The following KRTAP10-10 variants were observed in gnomAD, a reference collection of about 807,000 sequenced individuals.
KRTAP10-10 encodes keratin-associated protein 10-10.
For missense variants in KRTAP10-10, 324 were observed against 319.9 expected (o/e 1.01, Z -0.10); for synonymous variants, 139 against 137.6 (o/e 1.01, Z -0.07).
Position 44,637,584 on chromosome 21 carries a change from C to T in KRTAP10-10, c.167C>T (p.Ala56Val), listed in dbSNP as rs373986808. ...SCVSSPCCQT[A>V]CEPSACQSGY... The stretch of plus-strand genomic sequence containing the variant: ...GTGTCCAGCCCCTGCTGCCAGACGG[C>T]CTGTGAGCCCAGCGCCTGCCAATCA... The change falls in exon 1 of 1, where the codon GCC (alanine) becomes GTC (valine). Residue 56 changes from alanine to valine, a missense_variant. Transcript: ENST00000380095. 28 of 1,613,738 alleles carry T rather than the reference C, an allele frequency of 1.7e-5. No individual in the cohort carries two copies. In the African/African-American group the frequency reaches 3.6e-4, roughly 21 times the overall value.
rs782304975 is a variant in KRTAP10-10, at chr21:44,637,506, G to A, written c.89G>A (p.Cys30Tyr). 14 of 1,612,992 alleles carry A rather than the reference G, an allele frequency of 8.7e-6. No individual in the cohort carries two copies. Among genetic ancestry groups the A allele is most frequent in the East Asian group, 4.5e-5 (2 of 44,870 alleles). The stretch of plus-strand genomic sequence containing the variant: ...TGCCCAGAGAGCTGCTGCGAGCCCT[G>A]CTGCTGTGCCCCAGCCCCCAGCTTG... ...VDCPESCCEPCCCAPAPSLTL... is the reference protein window; with the variant it reads ...VDCPESCCEPYCCAPAPSLTL... Residue 30 changes from cysteine (C) to tyrosine (Y), a missense_variant, in exon 1 of 1, where the codon TGC becomes TAC. Coordinates refer to ENST00000380095, the MANE Select transcript of KRTAP10-10 (RefSeq NM_181688.3).
chr21:44,637,405 T>TC lies in KRTAP10-10; in HGVS notation c.-9dup. Reference sequence around the variant, plus strand: ...CACACACCTCCCCCAGCTCACCGCCTCCCCACTCCAGCATGGCCGCCTCCA... The same window carrying TC: ...CACACACCTCCCCCAGCTCACCGCCTCCCCCACTCCAGCATGGCCGCCTCCA... On this transcript the variant is annotated 5_prime_UTR_variant, in exon 1 of 1. Coordinates refer to ENST00000380095, the MANE Select transcript of KRTAP10-10 (RefSeq NM_181688.3). The TC allele has an allele frequency of 6.3e-7, 1 of 1,594,654 alleles. No individual in the cohort carries two copies.
In KRTAP10-10 at chr21:44,638,033, G is replaced by C; in HGVS notation, c.616G>C (p.Val206Leu). The change falls in exon 1 of 1, where the codon GTC becomes CTC. Residue 206 changes from valine to leucine, a missense_variant. Physicochemically the swap from Val to Leu is conservative, Grantham distance 32 (BLOSUM62 1). Transcript: ENST00000380095. Reference sequence around the variant, plus strand: ...GTGCAAGTCCACCTGCTGCGTGCCCGTCCCCTCCTGCGGTGCCTCTGCCTC... The same window carrying C: ...GTGCAAGTCCACCTGCTGCGTGCCCCTCCCCTCCTGCGGTGCCTCTGCCTC... ...PVCKSTCCVP[V>L]PSCGASASSC... The C allele has an allele frequency of 6.2e-7, 1 of 1,613,166 alleles. No individual in the cohort carries two copies. Among genetic ancestry groups the C allele is most frequent in the Non-Finnish European group, 8.5e-7 (1 of 1,179,536 alleles).
chr21:44,637,718 G>T lies in KRTAP10-10; in HGVS notation c.301G>T (p.Val101Leu). Residue 101 changes from valine (V) to leucine (L), a missense_variant, in exon 1 of 1, where the codon GTG becomes TTG. Coordinates refer to ENST00000380095, the MANE Select transcript of KRTAP10-10 (RefSeq NM_181688.3). ...GGCCTGCTGTGTGCCTGTCTGCTGT[G>T]TGCCCGTCTGCTGCGTGCCCGTCTG... ...QQACCVPVCC[V>L]PVCCVPVCNK... 2 of 1,236,418 alleles carry T rather than the reference G, an allele frequency of 1.6e-6. No homozygotes were observed. Among genetic ancestry groups the T allele is most frequent in the South Asian group, 1.6e-5 (1 of 61,812 alleles). The allele number at this position is 1,236,418 out of a possible 1,614,324, so 76.6% of individuals were successfully genotyped here.
At position 44,638,320 on chromosome 21, in the gene KRTAP10-10, C is replaced by A; in HGVS notation, c.*147C>A. 1.7e-6 allele frequency: 1 copy of A among 577,844 alleles called. No homozygotes were observed. The highest frequency in any genetic ancestry group is 2.6e-5 in the South Asian group (1 of 38,104). The allele number at this position is 577,844 out of a possible 1,614,324, so 35.8% of individuals were successfully genotyped here. ...GACCAGGATGCTCCCCCAGTCCTTC[C>A]CAGATGATGGCTGCCTGTGGGACCC... On this transcript the variant is annotated 3_prime_UTR_variant, in exon 1 of 1. Coordinates refer to ENST00000380095, the MANE Select transcript of KRTAP10-10 (RefSeq NM_181688.3).
chr21:44,637,986 T>C lies in KRTAP10-10; in HGVS notation c.569T>C (p.Val190Ala). ...TASCCRPSSS[V>A]SLLCHPVCKS... Reference sequence around the variant, plus strand: ...TCCTGCTGCAGACCCTCCTCCTCCGTGTCCCTCCTCTGCCACCCTGTGTGC... The same window carrying C: ...TCCTGCTGCAGACCCTCCTCCTCCGCGTCCCTCCTCTGCCACCCTGTGTGC... Residue 190 changes from valine to alanine, a missense_variant, in exon 1 of 1, where the codon GTG (valine) becomes GCG (alanine). Physicochemically the swap from Val to Ala is moderately conservative, Grantham distance 64 (BLOSUM62 0). Transcript: ENST00000380095. The C allele has an allele frequency of 1.2e-6, 2 of 1,613,852 alleles. No individual in the cohort carries two copies. Among genetic ancestry groups the C allele is most frequent in the Non-Finnish European group, 1.7e-6 (2 of 1,179,968 alleles).
chr21:44,637,581 C>T lies in KRTAP10-10; in HGVS notation c.164C>T (p.Thr55Met), dbSNP rs376512849. Reference protein sequence around the residue: ...VSCVSSPCCQTACEPSACQSG... With the variant: ...VSCVSSPCCQMACEPSACQSG... Reference sequence around the variant, plus strand: ...TGTGTGTCCAGCCCCTGCTGCCAGACGGCCTGTGAGCCCAGCGCCTGCCAA... The same window carrying T: ...TGTGTGTCCAGCCCCTGCTGCCAGATGGCCTGTGAGCCCAGCGCCTGCCAA... Residue 55 changes from threonine (T) to methionine (M), a missense_variant, in exon 1 of 1, where the codon ACG (threonine) becomes ATG (methionine). Transcript: ENST00000380095. 187 of 1,613,862 alleles carry T rather than the reference C, an allele frequency of 1.2e-4. No individual in the cohort carries two copies. The highest frequency in any genetic ancestry group is 5.1e-4 in the Middle Eastern group (3 of 5,872).
chr21:44,638,337 G>GAGA lies in KRTAP10-10; in HGVS notation c.*164_*165insAGA. On this transcript the variant is annotated 3_prime_UTR_variant, in exon 1 of 1. Coordinates refer to ENST00000380095, the MANE Select transcript of KRTAP10-10 (RefSeq NM_181688.3). Reference sequence around the variant, plus strand: ...AGTCCTTCCCAGATGATGGCTGCCTGTGGGACCCCAGCTACTCCCCCAGAC... The same window carrying GAGA: ...AGTCCTTCCCAGATGATGGCTGCCTGAGATGGGACCCCAGCTACTCCCCCAGAC... 1 of 411,614 alleles carries GAGA rather than the reference G, an allele frequency of 2.4e-6. No individual in the cohort carries two copies. The highest frequency in any genetic ancestry group is 4.2e-5 in the South Asian group (1 of 23,986). 25.5% of individuals were successfully genotyped at this position (411,614 alleles called of 1,614,324 possible). A position where few individuals can be genotyped will look rare whatever the true frequency, so the allele number is the denominator to read the frequency against.
chr21:44,637,630 A>G lies in KRTAP10-10; in HGVS notation c.213A>G (p.Thr71=), dbSNP rs782139344. 2.7e-5 allele frequency: 44 copies of G among 1,611,964 alleles called. No homozygotes were observed. Among genetic ancestry groups the G allele is most frequent in the Middle Eastern group, 3.3e-4 (2 of 6,042 alleles). The change falls in exon 1 of 1, where the codon ACA becomes ACG. Residue 71 remains threonine (T), a synonymous_variant. Transcript: ENST00000380095. Reference sequence around the variant, plus strand: ...AATCAGGCTACACCAGCTCCTGCACAACCCCATGCTACCAGCAGTCTAGCT... The same window carrying G: ...AATCAGGCTACACCAGCTCCTGCACGACCCCATGCTACCAGCAGTCTAGCT... ...ACQSGYTSSC[T]TPCYQQSSCQ...
chr21:44,637,890 T>A lies in KRTAP10-10; in HGVS notation c.473T>A (p.Val158Glu), dbSNP rs1555937432. 1 of 1,535,416 alleles carries A rather than the reference T, an allele frequency of 6.5e-7. No individual in the cohort carries two copies. Among genetic ancestry groups the A allele is most frequent in the Non-Finnish European group, 8.9e-7 (1 of 1,127,820 alleles). Reference sequence around the variant, plus strand: ...GTCTGCTCTAAGTCCGTCTGCTATGTGCCTGTGTGCTCTGGGGCTTCCACT... The same window carrying A: ...GTCTGCTCTAAGTCCGTCTGCTATGAGCCTGTGTGCTCTGGGGCTTCCACT... The part of the protein sequence containing the change: ...VPVCSKSVCY[V>E]PVCSGASTSC... The change falls in exon 1 of 1, where the codon GTG becomes GAG. Residue 158 changes from valine to glutamate, a missense_variant. By Grantham distance (121) the Val-to-Glu change is moderately radical (BLOSUM62 -2). Coordinates refer to ENST00000380095, the MANE Select transcript of KRTAP10-10 (RefSeq NM_181688.3).
rs114653592 is a variant in KRTAP10-10, at chr21:44,637,500, A to T, written c.83A>T (p.Glu28Val). Reference protein sequence around the residue: ...RVVDCPESCCEPCCCAPAPSL... With the variant: ...RVVDCPESCCVPCCCAPAPSL... ...GTCGACTGCCCAGAGAGCTGCTGCG[A>T]GCCCTGCTGCTGTGCCCCAGCCCCC... The change falls in exon 1 of 1, where the codon GAG (glutamate) becomes GTG (valine). Residue 28 changes from glutamate to valine, a missense_variant. Coordinates refer to ENST00000380095, the MANE Select transcript of KRTAP10-10 (RefSeq NM_181688.3). The T allele has an allele frequency of 6.2e-7, 1 of 1,612,668 alleles. No homozygotes were observed. The highest frequency in any genetic ancestry group is 1.7e-5 in the Admixed American group (1 of 59,958).
chr21:44,637,723 C>G lies in KRTAP10-10; in HGVS notation c.306C>G (p.Pro102=), dbSNP rs78817801. 3 of 1,242,586 alleles carry G rather than the reference C, an allele frequency of 2.4e-6. No homozygotes were observed. The South Asian group carries it at 4.8e-5, about 20-fold the overall frequency. The allele number at this position is 1,242,586 out of a possible 1,614,324, so 77.0% of individuals were successfully genotyped here. A position where few individuals can be genotyped will look rare whatever the true frequency, so the allele number is the denominator to read the frequency against. ...GCTGTGTGCCTGTCTGCTGTGTGCC[C>G]GTCTGCTGCGTGCCCGTCTGTAACA... The part of the protein sequence containing the change: ...QACCVPVCCV[P]VCCVPVCNKP... The change falls in exon 1 of 1, where the codon CCC becomes CCG. Residue 102 remains proline (P), a synonymous_variant. Transcript: ENST00000380095.
In KRTAP10-10 at chr21:44,638,041, C is replaced by T. The variant is rs4818951; in HGVS notation, c.624C>T (p.Ser208=). The part of the protein sequence containing the change: ...CKSTCCVPVP[S]CGASASSCQP... ...CCACCTGCTGCGTGCCCGTCCCCTCCTGCGGTGCCTCTGCCTCCTCCTGCC... is the reference window on the plus strand; with the variant it reads ...CCACCTGCTGCGTGCCCGTCCCCTCTTGCGGTGCCTCTGCCTCCTCCTGCC... The change falls in exon 1 of 1, where the codon TCC becomes TCT. Residue 208 remains serine (S), a synonymous_variant. Transcript: ENST00000380095. The T allele has an allele frequency of 0.7, 1,132,882 of 1,611,380 alleles. 401,079 individuals carry two copies. The highest frequency in any genetic ancestry group is 0.74 in the South Asian group (67,115 of 90,866).
At chr21:44,637,714 C>CTG in the KRTAP10-10 span, 29 of 1,231,066 alleles carry the variant, frequency 2.4e-5, 1 homozygote, top group South Asian at 3.9e-4. Flanking sequence ...TGCCTGTCTG[C>CTG]TGTGTGCCCG....
rs782330339 is a variant in KRTAP10-10, at chr21:44,638,005, T to G, written c.588T>G (p.Pro196=). ...CCTCCGTGTCCCTCCTCTGCCACCC[T>G]GTGTGCAAGTCCACCTGCTGCGTGC... is the stretch of plus-strand genomic sequence containing the variant. ...PSSSVSLLCH[P]VCKSTCCVPV... The change falls in exon 1 of 1, where the codon CCT becomes CCG. Residue 196 remains proline, a synonymous_variant. Coordinates refer to ENST00000380095, the MANE Select transcript of KRTAP10-10 (RefSeq NM_181688.3). The G allele has an allele frequency of 6.2e-7, 1 of 1,613,094 alleles. No homozygotes were observed. The highest frequency in any genetic ancestry group is 8.5e-7 in the Non-Finnish European group (1 of 1,179,570).
rs377408 is a variant in KRTAP10-10 at position 44,637,580 on chromosome 21, A to G, written c.163A>G (p.Thr55Ala). Residue 55 changes from threonine (T) to alanine (A), a missense_variant, in exon 1 of 1, where the codon ACG becomes GCG. Coordinates refer to ENST00000380095, the MANE Select transcript of KRTAP10-10 (RefSeq NM_181688.3). Reference protein sequence around the residue: ...VSCVSSPCCQTACEPSACQSG... With the variant: ...VSCVSSPCCQAACEPSACQSG... ...CTGTGTGTCCAGCCCCTGCTGCCAGACGGCCTGTGAGCCCAGCGCCTGCCA... is the reference window on the plus strand; with the variant it reads ...CTGTGTGTCCAGCCCCTGCTGCCAGGCGGCCTGTGAGCCCAGCGCCTGCCA... 6.2e-5 allele frequency: 100 copies of G among 1,613,756 alleles called. No individual in the cohort carries two copies. Among genetic ancestry groups the G allele is most frequent in the Admixed American group, 4.3e-4 (26 of 60,012 alleles).
rs1983670930 is a variant in KRTAP10-10, at chr21:44,637,480, C to T, written c.63C>T (p.Asp21=). 6.2e-7 allele frequency: 1 copy of T among 1,613,316 alleles called. No homozygotes were observed. Among genetic ancestry groups the T allele is most frequent in the African/African-American group, 1.3e-5 (1 of 74,892 alleles). The change falls in exon 1 of 1, where the codon GAC becomes GAT. Residue 21 remains aspartate (D), a synonymous_variant. Transcript: ENST00000380095. ...GCACTGACTCTTGGCGGGTAGTCGA[C>T]TGCCCAGAGAGCTGCTGCGAGCCCT... ...SACTDSWRVV[D]CPESCCEPCC...
Position 44,637,380 on chromosome 21 carries a change from C to G in KRTAP10-10, c.-38C>G. On this transcript the variant is annotated 5_prime_UTR_variant, in exon 1 of 1. Coordinates refer to ENST00000380095, the MANE Select transcript of KRTAP10-10 (RefSeq NM_181688.3). ...ACACTCACTCACACACTCACTCACT[C>G]ACACACCTCCCCCAGCTCACCGCCT... is the stretch of plus-strand genomic sequence containing the variant. The G allele has an allele frequency of 6.3e-7, 1 of 1,582,008 alleles. No homozygotes were observed. Among genetic ancestry groups the G allele is most frequent in the African/African-American group, 1.3e-5 (1 of 74,756 alleles).
In KRTAP10-10 at chr21:44,637,937, T is replaced by C. The variant is rs200557057; in HGVS notation, c.520T>C (p.Cys174Arg). ...CACTTCATGCTGCCAGCAGTCTAGC[T>C]GCCAGCCTGCTTGCTGCACCGCCTC... ...ASTSCCQQSS[C>R]QPACCTASCC... The change falls in exon 1 of 1, where the codon TGC becomes CGC. Residue 174 changes from cysteine (C) to arginine (R), a missense_variant. By Grantham distance (180) the Cys-to-Arg change is radical. Transcript: ENST00000380095. The C allele has an allele frequency of 1.3e-4, 213 of 1,612,954 alleles. No homozygotes were observed. The highest frequency in any genetic ancestry group is 3.3e-5 in the Non-Finnish European group (39 of 1,179,210).
Sources: allele counts gnomAD v4.1 joint callset, GRCh38; gene constraint gnomAD v4.1.1; transcripts MANE v1.5; gene names NCBI Gene and HGNC (gene_info 2026-07-23, HGNC 2026-07-21).